Variants in CERS4 observed in about 807,000 individuals in gnomAD.
CERS4 encodes ceramide synthase 4.
Under a neutral mutation model 51.8 loss-of-function variants are expected in CERS4, and 65 were observed. That is an observed-to-expected ratio of 1.26 (90% CI 1.03 to 1.54). The LOEUF (loss-of-function observed/expected upper bound fraction) is 1.54. Among genes scored for constraint, CERS4 ranks in the 40% most tolerant of loss-of-function variants. The probability of loss-of-function intolerance (pLI) is 0.00; values close to 1 mark genes in which losing one functional copy is unlikely to be tolerated. For synonymous variants in CERS4, 228 were observed against 208.4 expected (o/e 1.09, Z -0.81); for missense variants, 563 against 500.4 (o/e 1.13, Z -1.19).
intron 8 of CERS4, 70 bp downstream of exon 8, chr19:8,256,780 G>C: frequency 6.3e-7 from 1 of 1,576,506 alleles, no homozygotes; most frequent in East Asian, 2.2e-5. Context: ...GGGTAGGGCA[G>C]CCTTACAACC....
rs73493490 is a variant in CERS4 at position 8,228,980 on chromosome 19, C to T, written c.-2+18118C>T. ...CGGAGGTTGCAATGAGCAGAGATTG[C>T]GCCATTGCACACACCAGCCTGGGCC... On this transcript the variant is annotated intron_variant, in intron 2 of 11. Coordinates refer to ENST00000251363, the MANE Select transcript of CERS4 (RefSeq NM_024552.3). Among the ~76,000 whole-genome samples the T allele has an allele frequency of 6.6e-3, 991 of 149,956 alleles. 15 individuals are homozygous for T. The highest frequency in any genetic ancestry group is 0.023 in the African/African-American group (938 of 40,664).
At chr19:8,232,645 A>G (rs537869018) in intron 2 of CERS4, among the ~76,000 whole-genome samples, 1 of 152,122 alleles carries the variant, frequency 6.6e-6, no homozygotes, top group Non-Finnish European at 1.5e-5. Flanking sequence ...GCAAAGTGGT[A>G]GCCACTGGCT....
At chr19:8,248,169 TTTAC>T (rs1360088607) in intron 2 of CERS4, among the ~76,000 whole-genome samples, 11 of 152,194 alleles carry the variant, frequency 7.2e-5, no homozygotes, top group African/African-American at 2.2e-4. Flanking sequence ...TATGAATCTG[TTTAC>T]TTGTTTATTG....
chr19:8,259,234 A>G (rs1439908506), intron 10 of CERS4, among the ~76,000 whole-genome samples: 1 of 152,086 alleles, frequency 6.6e-6, no homozygotes, highest in Non-Finnish European at 1.5e-5. Context: ...TTGTACCGAG[A>G]GATGGGAGGG....
At chr19:8,250,316 T>C (rs1056716559) in intron 2 of CERS4, among the ~76,000 whole-genome samples, 84 of 152,270 alleles carry the variant, frequency 5.5e-4, no homozygotes, top group Non-Finnish European at 4.4e-5. Context: ...TCCCTTGACT[T>C]CTGGCTACCA....
chr19:8,256,196 A>C (rs1325265736), intron 6 of CERS4, 40 bp from the exon 7 acceptor site: 23 of 1,593,740 alleles, frequency 1.4e-5, no homozygotes, highest in Non-Finnish European at 2.0e-5. Context: ...GGGAGGTTGG[A>C]TTCTCACCTC....
At chr19:8,251,329 T>G (rs1568530274) in intron 3 of CERS4, 80 bp downstream of exon 3, 2 of 1,470,188 alleles carry the variant, frequency 1.4e-6, no homozygotes, top group East Asian at 2.5e-5. Context: ...AATTTGCCAT[T>G]GCAGCATGTC....
chr19:8,261,678 C>A lies in CERS4; in HGVS notation c.849-10C>A. ...CAAACCCCAGCCTCCTCCTCTCCCCCTGGCTGTAGGATCCTCTACACCACA... is the reference window on the plus strand; with the variant it reads ...CAAACCCCAGCCTCCTCCTCTCCCCATGGCTGTAGGATCCTCTACACCACA... On this transcript the variant is annotated splice_polypyrimidine_tract_variant and intron_variant, in intron 10 of 11. Coordinates refer to ENST00000251363, the MANE Select transcript of CERS4 (RefSeq NM_024552.3). The A allele has an allele frequency of 2.5e-6, 4 of 1,613,938 alleles. No individual in the cohort carries two copies. Among genetic ancestry groups the A allele is most frequent in the Non-Finnish European group, 2.5e-6 (3 of 1,179,938 alleles).
intron 3 of CERS4, among the ~76,000 whole-genome samples, chr19:8,253,314 T>C (rs920089534): frequency 1.3e-5 from 2 of 150,716 alleles, no homozygotes; most frequent in African/African-American, 4.9e-5. Flanking sequence ...TGGCGGGGGG[T>C]CAGACCAGGA....
intron 9 of CERS4, 56 bp downstream of exon 9, chr19:8,257,133 G>A: frequency 6.6e-7 from 1 of 1,521,724 alleles, no homozygotes; most frequent in Middle Eastern, 2.1e-4. Flanking sequence ...CCTCCCAGGT[G>A]CCCCAGAGAT....
At chr19:8,261,865 G>C (rs376733934) in intron 11 of CERS4, 21 bp downstream of exon 11, 8 of 1,613,774 alleles carry the variant, frequency 5.0e-6, no homozygotes, top group Non-Finnish European at 6.8e-6. Context: ...ACCTCCCCGG[G>C]GGCCCCAGCC....
intron 2 of CERS4, among the ~76,000 whole-genome samples, chr19:8,222,448 G>A (rs759083529): frequency 6.6e-6 from 1 of 152,022 alleles, no homozygotes; most frequent in Non-Finnish European, 1.5e-5. Context: ...GAGAAGTGCT[G>A]GGATTACAGG....
Position 8,256,691 on chromosome 19 carries a change from C to A in CERS4, c.593C>A (p.Pro198His), listed in dbSNP as rs775358818. The change falls in exon 8 of 12, where the codon CCC becomes CAC. Residue 198 changes from proline to histidine, a missense_variant. Transcript: ENST00000251363. ...TACCTCTCACTGCTAATCAGGCTGC[C>A]CTTTGATGTCAAGCGCAAGGTGAGG... The part of the protein sequence containing the change: ...GFYLSLLIRL[P>H]FDVKRKDFKE... 4 of 1,613,590 alleles carry A rather than the reference C, an allele frequency of 2.5e-6. No homozygotes were observed. The highest frequency in any genetic ancestry group is 3.4e-6 in the Non-Finnish European group (4 of 1,179,858).
At chr19:8,255,565 A>C (rs757887624) in intron 4 of CERS4, 42 bp from the exon 5 acceptor site, 3 of 1,555,338 alleles carry the variant, frequency 1.9e-6, no homozygotes, top group African/African-American at 1.4e-5. Flanking sequence ...GGAAGCCACC[A>C]CAGGGCCTCT....
At chr19:8,256,547 G>T in intron 7 of CERS4, 71 bp from the exon 8 acceptor site, 1 of 1,412,512 alleles carries the variant, frequency 7.1e-7, no homozygotes, top group East Asian at 2.3e-5. Flanking sequence ...AACGGAGTGG[G>T]CCCGGAGCCA....
At chr19:8,240,880 TTC>T (rs764710396) in intron 2 of CERS4, among the ~76,000 whole-genome samples, 1 of 151,986 alleles carries the variant, frequency 6.6e-6, no homozygotes, top group African/African-American at 2.4e-5. Context: ...CAAAGCCCCA[TTC>T]TCTCTCTTTC....
chr19:8,226,622 C>T (rs1967799001), intron 2 of CERS4, among the ~76,000 whole-genome samples: 1 of 152,176 alleles, frequency 6.6e-6, no homozygotes, highest in South Asian at 2.1e-4. Context: ...AAATTGGTTT[C>T]TTGGCCCGTG....
At chr19:8,252,194 C>T (rs999164184) in intron 3 of CERS4, among the ~76,000 whole-genome samples, 3 of 151,818 alleles carry the variant, frequency 2.0e-5, no homozygotes, top group African/African-American at 7.3e-5. Context: ...CGTGGTGAAA[C>T]CCTGTCTCTA....
At chr19:8,244,091 T>C (rs8105043) in intron 2 of CERS4, among the ~76,000 whole-genome samples, 256 of 152,340 alleles carry the variant, frequency 1.7e-3, no homozygotes, top group African/African-American at 6.0e-3. Context: ...GGAGAGACAC[T>C]GTCAGAATGA....
Sources: allele counts gnomAD v4.1 joint callset (sites outside exome capture counted in the v4.1 genomes callset), GRCh38; gene constraint gnomAD v4.1.1; transcripts MANE v1.5; gene names NCBI Gene and HGNC (gene_info 2026-07-23, HGNC 2026-07-21).